The following SYNE1 variants were observed in gnomAD, a reference collection of about 807,000 sequenced individuals.
The protein encoded by SYNE1 is nesprin-1.
SYNE1 carries 616 observed loss-of-function variants against 1,111.0 expected under a neutral mutation model. That is an observed-to-expected ratio of 0.55 (90% CI 0.52 to 0.59). SYNE1 has a LOEUF of 0.59. SYNE1 is among the 20% of genes least tolerant of loss of function. The probability of loss-of-function intolerance (pLI) is 0.00; values close to 1 mark genes in which losing one functional copy is unlikely to be tolerated. For missense variants in SYNE1, 10,006 were observed against 10,417.0 expected (o/e 0.96, Z 1.72); for synonymous variants, 3,855 against 3,825.8 (o/e 1.01, Z -0.28).
At chr6:152,359,512 G>C (rs1284087184) in intron 64 of SYNE1, 54 bp from the exon 65 acceptor site, 1 of 1,605,904 alleles carries the variant, frequency 6.2e-7, no homozygotes, top group Non-Finnish European at 8.5e-7. Context: ...TCACATCAAC[G>C]ACACTGCTAA....
intron 47 of SYNE1, 75 bp from the exon 48 acceptor site, chr6:152,399,898 G>T: frequency 6.7e-7 from 1 of 1,483,602 alleles, no homozygotes; most frequent in Non-Finnish European, 9.3e-7. Flanking sequence ...CTATGGTACT[G>T]TTTTACAATC....
intron 4 of SYNE1, among the ~76,000 whole-genome samples, chr6:152,533,191 G>A (rs763662046): frequency 3.3e-5 from 5 of 151,944 alleles, no homozygotes; most frequent in African/African-American, 1.2e-4. Flanking sequence ...CTTTGTAACA[G>A]CACTGTTGTG....
intron 104 of SYNE1, among the ~76,000 whole-genome samples, chr6:152,253,846 T>TTTTTTTTTTTTTTTTTTTTTTTTTG (rs2090129901): frequency 9.4e-6 from 1 of 106,562 alleles, no homozygotes; most frequent in African/African-American, 4.6e-5. Flanking sequence ...TTTTTTTTTT[T>TTTTTTTTTTTTTTTTTTTTTTTTTG]TTTTTTTTTT....
chr6:152,337,130 C>T (rs2096409830), intron 75 of SYNE1, 113 bp from the exon 76 acceptor site: 2 of 949,574 alleles, frequency 2.1e-6, no homozygotes, highest in South Asian at 1.5e-5. Context: ...CACACACATA[C>T]ACACGCAAAC....
chr6:152,145,300 A>G lies in SYNE1; in HGVS notation c.24977-1535T>C, dbSNP rs2813486. 228,726 of 658,770 alleles carry G rather than the reference A, an allele frequency of 0.35. 41,506 individuals carry two copies. Among genetic ancestry groups the G allele is most frequent in the Admixed American group, 0.48 (19,895 of 41,254 alleles). 40.8% of individuals were successfully genotyped at this position (658,770 alleles called of 1,614,324 possible). A position where few individuals can be genotyped will look rare whatever the true frequency, so the allele number is the denominator to read the frequency against. On this transcript the variant is annotated intron_variant, in intron 137 of 145. Transcript: ENST00000367255. ...GTTGAGAAGTTACTTTATTTCGCTC[A>G]ATTAGTGAAATCTTATTCTTGGTGT...
At chr6:152,407,894 T>C (rs1358398329) in intron 44 of SYNE1, among the ~76,000 whole-genome samples, 1 of 151,754 alleles carries the variant, frequency 6.6e-6, no homozygotes, top group Non-Finnish European at 1.5e-5. Context: ...CCACAGTAGC[T>C]AGGATTACAG....
Position 152,396,702 on chromosome 6 carries a change from A to G in SYNE1, c.7556+73T>C, listed in dbSNP as rs2154142597. The G allele has an allele frequency of 3.0e-6, 4 of 1,334,918 alleles. No individual in the cohort carries two copies. In the South Asian group the frequency reaches 3.5e-5, roughly 12 times the overall value. 82.7% of individuals were successfully genotyped at this position (1,334,918 alleles called of 1,614,324 possible). On this transcript the variant is annotated intron_variant, in intron 50 of 145. Transcript: ENST00000367255. ...TGTCAAACGTTATTTATTTATTCAC[A>G]TGACTCTTTTCTCTAAGCCTTTAAA... is the stretch of plus-strand genomic sequence containing the variant.
rs1481166450 is a variant in SYNE1 at position 152,367,243 on chromosome 6, A to C, written c.9947T>G (p.Leu3316Arg). The change falls in exon 62 of 146, where the codon CTG (leucine) becomes CGG (arginine). Residue 3316 changes from leucine to arginine, a missense_variant. Leu to Arg is a moderately radical substitution (Grantham distance 102). This residue lies in a region of SYNE1 where 4,955 missense variants were observed against 5,017.2 expected (regional missense o/e 0.99). Coordinates refer to ENST00000367255, the MANE Select transcript of SYNE1 (RefSeq NM_182961.4). ...YCHPTSDKSVLDSRTLKLEAL... is the reference protein window; with the variant it reads ...YCHPTSDKSVRDSRTLKLEAL... ...CTCGAGCTTGAGCGTCCTGCTGTCCAGCACACTTTTGTCGGATGTCGGGTG... is the reference window on the plus strand; with the variant it reads ...CTCGAGCTTGAGCGTCCTGCTGTCCCGCACACTTTTGTCGGATGTCGGGTG... 6.2e-7 allele frequency: 1 copy of C among 1,614,142 alleles called. No individual in the cohort carries two copies. Among genetic ancestry groups the C allele is most frequent in the African/African-American group, 1.3e-5 (1 of 74,944 alleles).
chr6:152,182,148 A>C (rs1435872631), intron 128 of SYNE1, among the ~76,000 whole-genome samples: 1 of 152,148 alleles, frequency 6.6e-6, no homozygotes, highest in Non-Finnish European at 1.5e-5. Flanking sequence ...ATATATATAC[A>C]ATGGGCTTGT....
chr6:152,170,998 C>G (rs561886143), intron 130 of SYNE1, among the ~76,000 whole-genome samples: 1 of 152,166 alleles, frequency 6.6e-6, no homozygotes, highest in Admixed American at 6.5e-5. Flanking sequence ...GGCTTTCATT[C>G]TCTCCTGTCT....
At chr6:152,265,607 A>G (rs959420171) in intron 100 of SYNE1, among the ~76,000 whole-genome samples, 4 of 152,194 alleles carry the variant, frequency 2.6e-5, no homozygotes, top group African/African-American at 9.6e-5. Flanking sequence ...AAACCAGAGG[A>G]ATATTTAATA....
In SYNE1 at chr6:152,623,866, A is replaced by G. The variant is rs192052767; in HGVS notation, c.67+4399T>C. Among the ~76,000 whole-genome samples, 323 of 152,272 alleles carry G rather than the reference A, an allele frequency of 2.1e-3. 1 individual carries two copies. Among genetic ancestry groups the G allele is most frequent in the Non-Finnish European group, 3.5e-3 (236 of 67,992 alleles). On this transcript the variant is annotated intron_variant, in intron 3 of 145. Transcript: ENST00000367255. ...ATAGCCAATGATGCTAAATTAAAAG[A>G]AAGTTACATTTTCATCAATTATTTA...
intron 3 of SYNE1, among the ~76,000 whole-genome samples, chr6:152,602,641 T>G (rs1182659090): frequency 6.6e-6 from 1 of 152,214 alleles, no homozygotes; most frequent in African/African-American, 2.4e-5. Flanking sequence ...TGCCTCTGAT[T>G]ATATGTGTTT....
chr6:152,301,537 G>A (rs2095168430), intron 92 of SYNE1, among the ~76,000 whole-genome samples: 1 of 152,114 alleles, frequency 6.6e-6, no homozygotes, highest in Admixed American at 6.6e-5. Flanking sequence ...CCATCCCCCA[G>A]ACAACTAAAA....
At chr6:152,244,863 A>C (rs2086711852) in intron 105 of SYNE1, among the ~76,000 whole-genome samples, 1 of 152,228 alleles carries the variant, frequency 6.6e-6, no homozygotes, top group Non-Finnish European at 1.5e-5. Flanking sequence ...AGTACAGAGC[A>C]GTTATCTTAC....
rs547074997 is a variant in SYNE1, at chr6:152,224,719, T to C, written c.21352-55A>G. 475 of 1,545,400 alleles carry C rather than the reference T, an allele frequency of 3.1e-4. 9 individuals carry two copies. In the South Asian group the frequency reaches 5.1e-3, roughly 17 times the overall value. On this transcript the variant is annotated intron_variant, in intron 116 of 145. Coordinates refer to ENST00000367255, the MANE Select transcript of SYNE1 (RefSeq NM_182961.4). ...TTTCATAATATCTAGAATGATGGAA[T>C]ATATATTCAATTGATGGGAAAATAT...
At chr6:152,427,418 A>C (rs185327186) in intron 38 of SYNE1, among the ~76,000 whole-genome samples, 96 of 152,292 alleles carry the variant, frequency 6.3e-4, no homozygotes, top group Non-Finnish European at 9.8e-4. Flanking sequence ...CTCCTTTGCC[A>C]AACCATGTTA....
intron 11 of SYNE1, among the ~76,000 whole-genome samples, chr6:152,496,954 C>T (rs533599960): frequency 9.9e-5 from 15 of 152,038 alleles, no homozygotes; most frequent in Non-Finnish European, 1.9e-4. Context: ...AGCTCCCCAC[C>T]GAGCACCTTG....
chr6:152,135,452 A>C (rs2056838515), intron 141 of SYNE1, among the ~76,000 whole-genome samples: 1 of 152,228 alleles, frequency 6.6e-6, no homozygotes, highest in African/African-American at 2.4e-5. Context: ...AATTTAGACG[A>C]AAGGAAAACT....
Sources: gnomAD v4.1 joint callset for allele counts (sites outside exome capture counted in the v4.1 genomes callset) on GRCh38, gnomAD v4.1.1 for gene constraint, gnomAD v4.1.1 regional missense constraint, MANE v1.5 for transcripts, NCBI Gene and HGNC (gene_info 2026-07-23, HGNC 2026-07-21) for gene names.